Variants in MAD2L1 observed in about 807,000 individuals in gnomAD.
MAD2L1 encodes mitotic spindle assembly checkpoint protein MAD2A.
Under a neutral mutation model 25.9 loss-of-function variants are expected in MAD2L1, and 10 were observed. The ratio of observed to expected loss-of-function variants is 0.39; its 90% CI spans 0.24 to 0.66. The LOEUF is 0.66. MAD2L1 is among the 30% of genes least tolerant of loss of function. The probability of loss-of-function intolerance (pLI) is 0.49; values close to 1 mark genes in which losing one functional copy is unlikely to be tolerated. For synonymous variants in MAD2L1, 81 were observed against 91.8 expected, an observed-to-expected ratio of 0.88 and a Z score of 0.67; for missense variants, 180 against 246.4, an observed-to-expected ratio of 0.73 and a Z score of 1.80.
chr4:120,061,179 C>T (rs1726211000), intron 3 of MAD2L1: 1 of 421,178 alleles, frequency 2.4e-6, no homozygotes, highest in Non-Finnish European at 4.3e-6. Flanking sequence ...ATCCTTATTA[C>T]TTCATTTATC....
Position 120,062,014 on chromosome 4 carries a change from T to C in MAD2L1, c.302A>G (p.Gln101Arg). The C allele has an allele frequency of 2.5e-6, 4 of 1,613,150 alleles. No homozygotes were observed. The highest frequency in any genetic ancestry group is 3.4e-6 in the Non-Finnish European group (4 of 1,179,456). Residue 101 changes from glutamine (Q) to arginine (R), a missense_variant, in exon 3 of 5, where the codon CAG (glutamine) becomes CGG (arginine). Physicochemically the swap from Gln to Arg is conservative, Grantham distance 43 (BLOSUM62 1). Coordinates refer to ENST00000296509, the MANE Select transcript of MAD2L1 (RefSeq NM_002358.4). ...IESGEVLERWQFDIECDKTAK... is the reference protein window; with the variant it reads ...IESGEVLERWRFDIECDKTAK... ...AGTCTTGTCACACTCAATATCAAAC[T>C]GCCATCTTTCCAGGACCTCACCACT...
intron 1 of MAD2L1, among the ~76,000 whole-genome samples, chr4:120,066,212 C>A (rs1726313403): frequency 6.6e-6 from 1 of 152,152 alleles, no homozygotes; most frequent in African/African-American, 2.4e-5. Flanking sequence ...CTTTCCCTCC[C>A]AAATCCTGCC....
chr4:120,065,350 T>C (rs1726296968), intron 2 of MAD2L1: 1 of 206,894 alleles, frequency 4.8e-6, no homozygotes, highest in African/African-American at 2.3e-5. Context: ...GTATATTGTC[T>C]CAGATAGTGA....
rs1726290940 is a variant in MAD2L1 at position 120,065,002 on chromosome 4, C to A, written c.220+670G>T. On this transcript the variant is annotated intron_variant, in intron 2 of 4. Transcript: ENST00000296509. Reference sequence around the variant, plus strand: ...GAGGGTAACACGAAAGAAAAACTAACAGGAATTCTAGAAAGGAAAAAGAAA... The same window carrying A: ...GAGGGTAACACGAAAGAAAAACTAAAAGGAATTCTAGAAAGGAAAAAGAAA... 2.0e-5 allele frequency among the ~76,000 whole-genome samples: 3 copies of A among 152,024 alleles called. No homozygotes were observed. In the South Asian group the frequency reaches 6.2e-4, roughly 32 times the overall value.
chr4:120,065,448 AT>A (rs989190357), intron 2 of MAD2L1: 21 of 437,304 alleles, frequency 4.8e-5, no homozygotes, highest in Non-Finnish European at 5.8e-5. Context: ...GATGAAGACT[AT>A]TTTTTTAGCC....
chr4:120,060,833 G>T, intron 4 of MAD2L1, 41 bp downstream of exon 4: 1 of 1,303,214 alleles, frequency 7.7e-7, no homozygotes, highest in South Asian at 1.3e-5. Context: ...TAGTCTTTTT[G>T]CCAATCAATT....
rs931687251 is a variant in MAD2L1 at position 120,059,805 on chromosome 4, C to T, written c.*313G>A. 1.1e-5 allele frequency: 2 copies of T among 187,998 alleles called. No homozygotes were observed. The highest frequency in any genetic ancestry group is 4.7e-5 in the African/African-American group (2 of 42,904). 11.6% of individuals were successfully genotyped at this position (187,998 alleles called of 1,614,324 possible). A position where few individuals can be genotyped will look rare whatever the true frequency, so the allele number is the denominator to read the frequency against. On this transcript the variant is annotated 3_prime_UTR_variant, in exon 5 of 5. Transcript: ENST00000296509. Reference sequence around the variant, plus strand: ...GACCAAAACATCTGATTTAGGAAAGCATCTAGCTTTATAGCACAAGTTTTT... The same window carrying T: ...GACCAAAACATCTGATTTAGGAAAGTATCTAGCTTTATAGCACAAGTTTTT...
rs758235971 is a variant in MAD2L1, at chr4:120,057,272, G to A, written c.*2846C>T. The A allele has an allele frequency of 5.9e-5, 9 of 152,044 alleles. No homozygotes were observed. Among genetic ancestry groups the A allele is most frequent in the Admixed American group, 3.3e-4 (5 of 15,262 alleles). 9.4% of individuals were successfully genotyped at this position (152,044 alleles called of 1,614,324 possible). A position where few individuals can be genotyped will look rare whatever the true frequency, so the allele number is the denominator to read the frequency against. ...TTAGATAACTGTCATCAAACTTCTC[G>A]GTGCCATTCCCACCACCTCCATGGG... On this transcript the variant is annotated 3_prime_UTR_variant, in exon 5 of 5. Transcript: ENST00000296509.
At chr4:120,060,777 GA>G in intron 4 of MAD2L1, 96 bp downstream of exon 4, 1 of 720,698 alleles carries the variant, frequency 1.4e-6, no homozygotes, top group Admixed American at 2.9e-5. Context: ...ACATAAATCT[GA>G]TAAATAAGAC....
rs1471546957 is a variant in MAD2L1 at position 120,058,031 on chromosome 4, A to T, written c.*2087T>A. 4 of 151,846 alleles carry T rather than the reference A, an allele frequency of 2.6e-5. No individual in the cohort carries two copies. Among genetic ancestry groups the T allele is most frequent in the Admixed American group, 2.0e-4 (3 of 15,240 alleles). The allele number at this position is 151,846 out of a possible 1,614,324, so 9.4% of individuals were successfully genotyped here. A position where few individuals can be genotyped will look rare whatever the true frequency, so the allele number is the denominator to read the frequency against. ...CCGCCACCACGCCCAGCTAATTTTT[A>T]TATTTTTAGTAGAGACGGGGTTTGA... On this transcript the variant is annotated 3_prime_UTR_variant, in exon 5 of 5. Transcript: ENST00000296509.
At position 120,055,844 on chromosome 4, in the gene MAD2L1, A is replaced by C. The variant is rs1264481449; in HGVS notation, c.*4274T>G. 6.6e-6 allele frequency: 1 copy of C among 152,210 alleles called. No individual in the cohort carries two copies. Among genetic ancestry groups the C allele is most frequent in the Non-Finnish European group, 1.5e-5 (1 of 68,042 alleles). The allele number at this position is 152,210 out of a possible 1,614,324, so 9.4% of individuals were successfully genotyped here. A position where few individuals can be genotyped will look rare whatever the true frequency, so the allele number is the denominator to read the frequency against. On this transcript the variant is annotated 3_prime_UTR_variant, in exon 5 of 5. Coordinates refer to ENST00000296509, the MANE Select transcript of MAD2L1 (RefSeq NM_002358.4). ...CTGATTTACTCTGTAGACAATATAGATTAGGCATAGGATAAAATCCTCTGT... is the reference window on the plus strand; with the variant it reads ...CTGATTTACTCTGTAGACAATATAGCTTAGGCATAGGATAAAATCCTCTGT...
rs1726098180 is a variant in MAD2L1 at position 120,055,773 on chromosome 4, T to C, written c.*4345A>G. The C allele has an allele frequency of 6.6e-6, 1 of 152,192 alleles. No individual in the cohort carries two copies. The allele number at this position is 152,192 out of a possible 1,614,324, so 9.4% of individuals were successfully genotyped here. A position where few individuals can be genotyped will look rare whatever the true frequency, so the allele number is the denominator to read the frequency against. On this transcript the variant is annotated 3_prime_UTR_variant, in exon 5 of 5. Transcript: ENST00000296509. ...TTAAGGTTACTTAACAAACAATTCTTCTGATTAGTTGGAAAATTGTTTCAT... is the reference window on the plus strand; with the variant it reads ...TTAAGGTTACTTAACAAACAATTCTCCTGATTAGTTGGAAAATTGTTTCAT...
chr4:120,062,995 C>T (rs1367211168), intron 2 of MAD2L1, among the ~76,000 whole-genome samples: 1 of 152,158 alleles, frequency 6.6e-6, no homozygotes, highest in African/African-American at 2.4e-5. Context: ...AAGCATGATT[C>T]AGGGACAGCT....
intron 2 of MAD2L1, among the ~76,000 whole-genome samples, chr4:120,063,235 G>C (rs760358561): frequency 1.9e-4 from 29 of 152,180 alleles, no homozygotes; most frequent in Non-Finnish European, 3.4e-4. Flanking sequence ...GAGGTTGTTA[G>C]TGAAGCTATA....
chr4:120,065,619 T>A, intron 2 of MAD2L1, 53 bp downstream of exon 2: 1 of 1,582,884 alleles, frequency 6.3e-7, no homozygotes, highest in South Asian at 1.1e-5. Context: ...AAATGACTGC[T>A]TAAGATGCTA....
At chr4:120,061,473 C>T (rs944832388) in intron 3 of MAD2L1, among the ~76,000 whole-genome samples, 14 of 152,112 alleles carry the variant, frequency 9.2e-5, no homozygotes, top group Non-Finnish European at 1.9e-4. Flanking sequence ...AACTACATTT[C>T]ACTATAAGAA....
intron 4 of MAD2L1, 114 bp from the exon 5 acceptor site, chr4:120,060,404 CT>C: frequency 1.5e-6 from 1 of 684,792 alleles, no homozygotes; most frequent in East Asian, 2.8e-5. Flanking sequence ...TTGGCTTGGT[CT>C]CCAATCACTA....
Position 120,056,288 on chromosome 4 carries a change from A to G in MAD2L1, c.*3830T>C, listed in dbSNP as rs1456376412. 1.3e-5 allele frequency: 2 copies of G among 152,254 alleles called. No individual in the cohort carries two copies. The highest frequency in any genetic ancestry group is 2.9e-5 in the Non-Finnish European group (2 of 68,042). 9.4% of individuals were successfully genotyped at this position (152,254 alleles called of 1,614,324 possible). On this transcript the variant is annotated 3_prime_UTR_variant, in exon 5 of 5. Coordinates refer to ENST00000296509, the MANE Select transcript of MAD2L1 (RefSeq NM_002358.4). ...AAATAAAAATTCATGTGAAGTGACT[A>G]GTAAATAATAAATGCTAAGTGTTTA...
intron 2 of MAD2L1, among the ~76,000 whole-genome samples, chr4:120,062,893 TAGG>T (rs1243891851): frequency 6.6e-6 from 1 of 152,152 alleles, no homozygotes; most frequent in Non-Finnish European, 1.5e-5. Context: ...TGAAAGCTTG[TAGG>T]AGGATAAACT....
Sources: allele counts gnomAD v4.1 joint callset (sites outside exome capture counted in the v4.1 genomes callset), GRCh38; gene constraint gnomAD v4.1.1; transcripts MANE v1.5; gene names NCBI Gene and HGNC (gene_info 2026-07-23, HGNC 2026-07-21).